Variants in ABCA4 observed in about 807,000 individuals in gnomAD.
ABCA4 encodes the protein ATP binding cassette subfamily A member 4.
ABCA4 carries 196 observed loss-of-function variants against 263.7 expected under a neutral mutation model. The observed-to-expected ratio is 0.74, with a 90% CI of 0.66 to 0.84. ABCA4 has a LOEUF of 0.84. ABCA4 is among the 40% of genes least tolerant of loss of function. ABCA4 has a pLI of 0.00. For synonymous variants in ABCA4, 1,133 were observed against 1,094.2 expected, an observed-to-expected ratio of 1.04 and a Z score of -0.70; for missense variants, 2,792 against 2,855.1, an observed-to-expected ratio of 0.98 and a Z score of 0.50.
chr1:94,052,396 T>C (rs996509932), intron 16 of ABCA4, among the ~76,000 whole-genome samples: 1 of 152,230 alleles, frequency 6.6e-6, no homozygotes, highest in East Asian at 1.9e-4. Flanking sequence ...CGGCTTTTTT[T>C]AAGAGTTGCC....
At position 94,048,910 on chromosome 1, in the gene ABCA4, T is replaced by C. The variant is rs61754030; in HGVS notation, c.2701A>G (p.Thr901Ala). ...ERALEKTEPL[T>A]EETEDPEHPE... ...TGCTCTGGATCCTCCGTTTCCTCTG[T>C]TAGGGGCTCGGTCTTTTCCAGGGCT... Residue 901 changes from threonine (T) to alanine (A), a missense_variant, in exon 18 of 50, where the codon ACA becomes GCA. Thr to Ala is a moderately conservative substitution (Grantham distance 58). Coordinates refer to ENST00000370225, the MANE Select transcript of ABCA4 (RefSeq NM_000350.3). 5,484 of 1,614,130 alleles carry C rather than the reference T, an allele frequency of 3.4e-3. 13 individuals carry two copies. The highest frequency in any genetic ancestry group is 4.3e-3 in the Non-Finnish European group (5,088 of 1,180,032).
At chr1:94,097,537 AT>A (rs1204590298) in intron 6 of ABCA4, among the ~76,000 whole-genome samples, 2 of 152,198 alleles carry the variant, frequency 1.3e-5, no homozygotes, top group Admixed American at 6.5e-5. Context: ...ACATAATTCC[AT>A]GCTAGAAATA....
chr1:94,007,913 T>A (rs1319773005), intron 42 of ABCA4, among the ~76,000 whole-genome samples, 173 bp from the exon 43 acceptor site: 1 of 152,188 alleles, frequency 6.6e-6, no homozygotes, highest in Non-Finnish European at 1.5e-5. Flanking sequence ...AAGTCCCAGT[T>A]GACACGGGCC....
chr1:94,085,163 T>G (rs1006504037), intron 6 of ABCA4, among the ~76,000 whole-genome samples: 2 of 148,826 alleles, frequency 1.3e-5, no homozygotes, highest in Non-Finnish European at 3.0e-5. Context: ...AAACAAGTTC[T>G]TACATGTTAG....
Position 94,007,473 on chromosome 1 carries a change from TGTTGG to T in ABCA4, c.6005+156_6005+160del, listed in dbSNP as rs3831252. On this transcript the variant is annotated intron_variant, in intron 43 of 49. Transcript: ENST00000370225. ...AGTTCACTTTTCCATTGGGTCTATG[TGTTGG>T]GCTTTTTGGGCCATGCTCTCTGGGA... Among the ~76,000 whole-genome samples the T allele has an allele frequency of 0.19, 29,054 of 151,994 alleles. 2,839 individuals are homozygous for T. The highest frequency in any genetic ancestry group is 0.23 in the African/African-American group (9,743 of 41,476).
chr1:94,000,486 C>G (rs1018149752), intron 47 of ABCA4, among the ~76,000 whole-genome samples: 1 of 152,168 alleles, frequency 6.6e-6, no homozygotes, highest in African/African-American at 2.4e-5. Context: ...GGAGTGGACT[C>G]TTAGTAAATA....
At chr1:94,058,845 A>G (rs1040541357) in intron 14 of ABCA4, among the ~76,000 whole-genome samples, 6 of 152,152 alleles carry the variant, frequency 3.9e-5, no homozygotes, top group African/African-American at 1.4e-4. Context: ...TAATAGCTCG[A>G]GTAACAAAGG....
chr1:94,021,098 GA>G, intron 35 of ABCA4, 141 bp downstream of exon 35: 1 of 1,162,022 alleles, frequency 8.6e-7, no homozygotes, highest in Admixed American at 1.7e-5. Context: ...GCACTTATTT[GA>G]AAGTCGGATG....
At chr1:94,033,230 T>A (rs796883802) in intron 26 of ABCA4, among the ~76,000 whole-genome samples, 3 of 151,954 alleles carry the variant, frequency 2.0e-5, no homozygotes, top group African/African-American at 7.2e-5. Context: ...GATCAGCCTG[T>A]ACAACATAGG....
chr1:94,103,014 C>T lies in ABCA4; in HGVS notation c.570+1G>A. ...ACCACTGGCCAGTGACATCCCCCTA[C>T]CTGCTCTGGACGGACTTGAGAGTTG... On this transcript the variant is annotated splice_donor_variant, in intron 5 of 49. Transcript: ENST00000370225. LOFTEE classifies it high-confidence loss of function. The T allele has an allele frequency of 6.2e-7, 1 of 1,614,220 alleles. No homozygotes were observed. The highest frequency in any genetic ancestry group is 1.1e-5 in the South Asian group (1 of 91,088).
intron 30 of ABCA4, among the ~76,000 whole-genome samples, chr1:94,027,199 A>G (rs193080058): frequency 4.5e-4 from 69 of 152,352 alleles, no homozygotes; most frequent in African/African-American, 1.6e-3. Context: ...AAATGGCAGG[A>G]ACTGGCTTGC....
rs1662608670 is a variant in ABCA4 at position 94,111,659 on chromosome 1, G to C, written c.161-80C>G. On this transcript the variant is annotated intron_variant, in intron 2 of 49. Coordinates refer to ENST00000370225, the MANE Select transcript of ABCA4 (RefSeq NM_000350.3). ...TGCAGACCTAGGAGTTGGCCTTTTT[G>C]GGAAGGGGCCCGGGCCCCTCTGATG... The C allele has an allele frequency of 5.6e-5, 88 of 1,558,532 alleles. 3 individuals carry two copies. The South Asian group carries it at 9.3e-4, about 16-fold the overall frequency.
Position 94,056,792 on chromosome 1 carries a change from A to G in ABCA4, c.2191T>C (p.Phe731Leu). The G allele has an allele frequency of 6.2e-7, 1 of 1,610,976 alleles. No individual in the cohort carries two copies. The highest frequency in any genetic ancestry group is 8.5e-7 in the Non-Finnish European group (1 of 1,178,438). Residue 731 changes from phenylalanine (F) to leucine (L), a missense_variant, in exon 15 of 50, where the codon TTC becomes CTC. Physicochemically the swap from Phe to Leu is conservative, Grantham distance 22 (BLOSUM62 0). Transcript: ENST00000370225. ...GCCAACAAGAACAGGAAGAGGATGA[A>G]TGGGTCGCTGTAATGTAGGATTCTT... Reference protein sequence around the residue: ...HGRILHYSDPFILFLFLLAFS... With the variant: ...HGRILHYSDPLILFLFLLAFS...
chr1:94,035,120 G>T (rs776715398), intron 26 of ABCA4, among the ~76,000 whole-genome samples: 2 of 152,174 alleles, frequency 1.3e-5, no homozygotes, highest in African/African-American at 2.4e-5. Context: ...CCTGTTCTAT[G>T]CCTATGCTGA....
At chr1:94,003,482 A>C (rs1659272741) in intron 44 of ABCA4, among the ~76,000 whole-genome samples, 1 of 152,044 alleles carries the variant, frequency 6.6e-6, no homozygotes, top group African/African-American at 2.4e-5. Flanking sequence ...AGGGTATCAC[A>C]TCTCGGGGCA....
chr1:94,063,711 T>G (rs1041980596), intron 11 of ABCA4, among the ~76,000 whole-genome samples: 1 of 150,814 alleles, frequency 6.6e-6, no homozygotes, highest in African/African-American at 2.5e-5. Flanking sequence ...GCCTGACGAT[T>G]AAAGAGCTTT....
In ABCA4 at chr1:94,041,391, T is replaced by C; in HGVS notation, c.3340A>G (p.Ile1114Val). The change falls in exon 23 of 50, where the codon ATC becomes GTC. Residue 1114 changes from isoleucine to valine, a missense_variant. Coordinates refer to ENST00000370225, the MANE Select transcript of ABCA4 (RefSeq NM_000350.3). ...LLKYRSGRTI[I>V]MSTHHMDEAD... ...TCGTCCATGTGGTGAGTGGACATGA[T>C]GATGGTTCTGCCTGCAAGGTAGGGG... 6.2e-7 allele frequency: 1 copy of C among 1,613,762 alleles called. No individual in the cohort carries two copies. Among genetic ancestry groups the C allele is most frequent in the Non-Finnish European group, 8.5e-7 (1 of 1,180,008 alleles).
chr1:94,014,467 C>T (rs1659665908), intron 38 of ABCA4, 76 bp downstream of exon 38: 1 of 1,539,974 alleles, frequency 6.5e-7, no homozygotes, highest in African/African-American at 1.4e-5. Context: ...ACGATGCTTG[C>T]CCCTGGCTCT....
In ABCA4 at chr1:94,037,142, T is replaced by C; in HGVS notation, c.3813+3A>G. The C allele has an allele frequency of 6.2e-7, 1 of 1,613,988 alleles. No individual in the cohort carries two copies. The highest frequency in any genetic ancestry group is 8.5e-7 in the Non-Finnish European group (1 of 1,179,816). ...CAGAAACCAGCTGGAATCTCTACTT[T>C]ACCTCTTCCAGGGGAGTGTCAGAAA... On this transcript the variant is annotated splice_donor_region_variant and intron_variant, in intron 25 of 49. Coordinates refer to ENST00000370225, the MANE Select transcript of ABCA4 (RefSeq NM_000350.3).
Sources: allele counts gnomAD v4.1 joint callset (sites outside exome capture counted in the v4.1 genomes callset), GRCh38; gene constraint gnomAD v4.1.1; transcripts MANE v1.5; gene names NCBI Gene and HGNC (gene_info 2026-07-23, HGNC 2026-07-21).